SGSM3: variants seen among roughly 807,000 people sequenced by gnomAD.
SGSM3 encodes the protein RUN and SH3 containing 3.
In SGSM3, 96 loss-of-function variants were observed where a neutral mutation model predicts 100.5. The observed-to-expected ratio is 0.96, with a 90% CI of 0.81 to 1.13. The LOEUF (loss-of-function observed/expected upper bound fraction) is 1.13. Among genes scored for constraint, SGSM3 ranks in the 50% most tolerant of loss-of-function variants. The pLI, the probability that SGSM3 is intolerant of heterozygous loss-of-function variation, is 0.00. For missense variants in SGSM3, 1,001 were observed against 1,015.8 expected, an observed-to-expected ratio of 0.99 and a Z score of 0.20; for synonymous variants, 483 against 422.8, an observed-to-expected ratio of 1.14 and a Z score of -1.75.
chr22:40,394,567 AC>A (rs991471658), intron 1 of SGSM3, among the ~76,000 whole-genome samples: 19 of 147,896 alleles, frequency 1.3e-4, no homozygotes, highest in African/African-American at 4.8e-4. Flanking sequence ...AATCGCTTGA[AC>A]CCGGGAGGTG....
chr22:40,380,262 T>C (rs1416356844), intron 1 of SGSM3, among the ~76,000 whole-genome samples: 1 of 152,218 alleles, frequency 6.6e-6, no homozygotes, highest in Non-Finnish European at 1.5e-5. Flanking sequence ...ATTACACTTA[T>C]CTGCACCACC....
intron 1 of SGSM3, among the ~76,000 whole-genome samples, chr22:40,386,445 C>T (rs1383991587): frequency 6.6e-6 from 1 of 151,830 alleles, no homozygotes; most frequent in Non-Finnish European, 1.5e-5. Context: ...ATGGGCCTGT[C>T]TCTAGCTGTT....
rs767568296 is a variant in SGSM3 at position 40,406,199 on chromosome 22, C to T, written c.936C>T (p.Leu312=). ...FYEGSRVLFQ[L]TLGMLHLKEE... ...AGGGCTCCCGGGTGCTGTTCCAGCTCACGCTGGGCATGCTGCACCTCAAGG... is the reference window on the plus strand; with the variant it reads ...AGGGCTCCCGGGTGCTGTTCCAGCTTACGCTGGGCATGCTGCACCTCAAGG... The change falls in exon 9 of 22, where the codon CTC becomes CTT. Residue 312 remains leucine (L), a synonymous_variant. Transcript: ENST00000248929. 2 of 1,614,054 alleles carry T rather than the reference C, an allele frequency of 1.2e-6. No individual in the cohort carries two copies. Among genetic ancestry groups the T allele is most frequent in the East Asian group, 2.2e-5 (1 of 44,878 alleles).
chr22:40,407,407 T>C lies in SGSM3; in HGVS notation c.1369-6T>C, dbSNP rs376367370. The C allele has an allele frequency of 2.4e-5, 39 of 1,611,278 alleles. No individual in the cohort carries two copies. The African/African-American group carries it at 4.9e-4, about 20-fold the overall frequency. On this transcript the variant is annotated splice_region_variant and splice_polypyrimidine_tract_variant and intron_variant, in intron 12 of 21. Transcript: ENST00000248929. The surrounding 1 kb of genome is among the most constrained non-coding windows in gnomAD (Gnocchi z 4.7). Reference sequence around the variant, plus strand: ...CCCCTTGGTGGGCCTGTGTTCACTGTGGCAGGAGCTGACTCCAGACTATAG... The same window carrying C: ...CCCCTTGGTGGGCCTGTGTTCACTGCGGCAGGAGCTGACTCCAGACTATAG...
At chr22:40,398,357 C>T (rs1003982673) in intron 1 of SGSM3, among the ~76,000 whole-genome samples, 1 of 141,206 alleles carries the variant, frequency 7.1e-6, no homozygotes, top group African/African-American at 2.6e-5. Context: ...TAGGGGTGCT[C>T]AGTCCCCATT....
At chr22:40,402,684 A>G (rs2050915801) in intron 4 of SGSM3, among the ~76,000 whole-genome samples, 2 of 152,244 alleles carry the variant, frequency 1.3e-5, no homozygotes, top group Admixed American at 1.3e-4. Context: ...GGTTGCAGTG[A>G]GCTGAGACTG....
intron 1 of SGSM3, among the ~76,000 whole-genome samples, chr22:40,371,053 G>A (rs547280910): frequency 6.6e-6 from 1 of 152,364 alleles, no homozygotes; most frequent in South Asian, 2.1e-4. Context: ...AAAGAGCCTG[G>A]CTGGCTCTGG....
chr22:40,405,860 G>A lies in SGSM3; in HGVS notation c.814+16G>A, dbSNP rs1450999514. 2 of 1,599,936 alleles carry A rather than the reference G, an allele frequency of 1.3e-6. No homozygotes were observed. Among genetic ancestry groups the A allele is most frequent in the South Asian group, 1.1e-5 (1 of 90,128 alleles). ...CATGACATTGGTAAGGCGCCCCTGA[G>A]CCACTGGCTCCCATTCTGCAGCTTG... On this transcript the variant is annotated intron_variant, in intron 8 of 21. Coordinates refer to ENST00000248929, the MANE Select transcript of SGSM3 (RefSeq NM_015705.6).
rs759647541 is a variant in SGSM3 at position 40,406,585 on chromosome 22, C to T, written c.1108C>T (p.Arg370Cys). The T allele has an allele frequency of 8.7e-6, 14 of 1,612,590 alleles. No individual in the cohort carries two copies. Among genetic ancestry groups the T allele is most frequent in the Admixed American group, 5.0e-5 (3 of 59,954 alleles). The change falls in exon 10 of 22, where the codon CGC becomes TGC. Residue 370 changes from arginine to cysteine, a missense_variant. Arg to Cys is a radical substitution (Grantham distance 180). Coordinates refer to ENST00000248929, the MANE Select transcript of SGSM3 (RefSeq NM_015705.6). ...SLTDVAVETQ[R>C]RKHLAYLIAD... ...CACCGATGTGGCCGTGGAGACTCAGCGCCGCAAGCACCTGGCCTATCTCAT... is the reference window on the plus strand; with the variant it reads ...CACCGATGTGGCCGTGGAGACTCAGTGCCGCAAGCACCTGGCCTATCTCAT...
chr22:40,397,017 T>C (rs1224100904), intron 1 of SGSM3, among the ~76,000 whole-genome samples: 2 of 152,188 alleles, frequency 1.3e-5, no homozygotes, highest in African/African-American at 4.8e-5. Context: ...CTCTCAGTAC[T>C]CCTGTGACAA....
At chr22:40,398,031 C>G (rs1326321342) in intron 1 of SGSM3, among the ~76,000 whole-genome samples, 1 of 148,916 alleles carries the variant, frequency 6.7e-6, no homozygotes, top group Non-Finnish European at 1.5e-5. Flanking sequence ...GCAGTGGCGC[C>G]ATCTCAACTC....
At chr22:40,401,109 C>T (rs2050698432) in intron 2 of SGSM3, among the ~76,000 whole-genome samples, 1 of 152,186 alleles carries the variant, frequency 6.6e-6, no homozygotes, top group Admixed American at 6.5e-5. Flanking sequence ...CCCTCTTCTC[C>T]AGAAATTTGC....
intron 1 of SGSM3, among the ~76,000 whole-genome samples, chr22:40,399,889 C>T (rs1056609938): frequency 2.0e-5 from 3 of 152,206 alleles, no homozygotes; most frequent in African/African-American, 7.2e-5. Flanking sequence ...TGGCCTTTAT[C>T]CTAAACTTGG....
At chr22:40,405,586 G>T in intron 7 of SGSM3, 63 bp from the exon 8 acceptor site, 2 of 1,478,532 alleles carry the variant, frequency 1.4e-6, no homozygotes, top group Non-Finnish European at 1.9e-6. Context: ...CTAGGGTAGG[G>T]GCACCTTTTC....
intron 1 of SGSM3, among the ~76,000 whole-genome samples, chr22:40,375,663 AG>A (rs1401561195): frequency 2.9e-5 from 4 of 139,206 alleles, no homozygotes; most frequent in Admixed American, 1.7e-4. Flanking sequence ...ATTAAGACAG[AG>A]AATTTTTTTT....
At chr22:40,370,849 C>G (rs2045290364) in intron 1 of SGSM3, among the ~76,000 whole-genome samples, 161 bp downstream of exon 1, 1 of 152,196 alleles carries the variant, frequency 6.6e-6, no homozygotes, top group Non-Finnish European at 1.5e-5. Flanking sequence ...GCCGCCGGGC[C>G]GACCTTGCTC....
intron 1 of SGSM3, among the ~76,000 whole-genome samples, chr22:40,382,471 C>T (rs866536720): frequency 2.6e-5 from 4 of 152,092 alleles, no homozygotes; most frequent in East Asian, 1.9e-4. Flanking sequence ...GACTGTTGGC[C>T]GGAGCACCTA....
chr22:40,401,429 TAG>T (rs1445773746), intron 2 of SGSM3, among the ~76,000 whole-genome samples, 162 bp from the exon 3 acceptor site: 23 of 152,140 alleles, frequency 1.5e-4, no homozygotes, highest in Admixed American at 4.6e-4. Context: ...GTATTTTTAG[TAG>T]AGATGGGTTT....
chr22:40,385,748 A>C (rs905086259), intron 1 of SGSM3, among the ~76,000 whole-genome samples: 1 of 152,270 alleles, frequency 6.6e-6, no homozygotes, highest in Non-Finnish European at 1.5e-5. Context: ...TGAAAAGTCA[A>C]CTAGAGATGA....
Sources: allele counts gnomAD v4.1 joint callset (sites outside exome capture counted in the v4.1 genomes callset), GRCh38; gene constraint gnomAD v4.1.1; non-coding constraint Gnocchi (gnomAD v3.1); transcripts MANE v1.5; gene names NCBI Gene and HGNC (gene_info 2026-07-23, HGNC 2026-07-21).